DOCK4: variants seen among roughly 807,000 people sequenced by gnomAD.
The protein encoded by DOCK4 is dedicator of cytokinesis 4.
A neutral mutation model predicts 268.1 loss-of-function variants in DOCK4; 97 were observed. The observed-to-expected ratio is 0.36, with a 90% CI of 0.31 to 0.43. DOCK4 has a LOEUF of 0.43. Ranked by LOEUF, DOCK4 falls within the 20% of genes least tolerant of loss-of-function variation. The pLI is 1.00. For missense variants in DOCK4, 2,145 were observed against 2,455.7 expected, an observed-to-expected ratio of 0.87 and a Z score of 2.67; for synonymous variants, 954 against 887.2, an observed-to-expected ratio of 1.08 and a Z score of -1.34.
intron 9 of DOCK4, 57 bp from the exon 10 acceptor site, chr7:111,944,928 T>C (rs541999283): frequency 3.6e-6 from 5 of 1,384,786 alleles, no homozygotes; most frequent in African/African-American, 1.4e-5. Flanking sequence ...TTAAAGGGCA[T>C]AGCACTTTAT....
chr7:111,956,342 A>T (rs1171076995), intron 8 of DOCK4, among the ~76,000 whole-genome samples: 1 of 152,218 alleles, frequency 6.6e-6, no homozygotes, highest in African/African-American at 2.4e-5. Context: ...GAATAAGTAT[A>T]AAAATCCATG....
At chr7:112,132,182 G>A (rs1049639228) in intron 1 of DOCK4, among the ~76,000 whole-genome samples, 1 of 151,954 alleles carries the variant, frequency 6.6e-6, no homozygotes, top group Non-Finnish European at 1.5e-5. Flanking sequence ...CATGTAAACT[G>A]GCCCCCTACT....
chr7:112,039,601 G>A (rs555787718), intron 1 of DOCK4, among the ~76,000 whole-genome samples: 9 of 152,050 alleles, frequency 5.9e-5, no homozygotes. Context: ...CTTGCCCCCC[G>A]AGCCAGCTTT....
chr7:111,758,136 A>AGAT (rs747932022), intron 41 of DOCK4, among the ~76,000 whole-genome samples: 4 of 152,214 alleles, frequency 2.6e-5, no homozygotes, highest in Non-Finnish European at 5.9e-5. Flanking sequence ...CAAGCAGCAA[A>AGAT]GATGGCACAT....
At chr7:111,992,105 C>T (rs182059182) in intron 5 of DOCK4, among the ~76,000 whole-genome samples, 181 of 151,638 alleles carry the variant, frequency 1.2e-3, no homozygotes, top group African/African-American at 3.6e-3. Context: ...GGTTACATTA[C>T]TGATTATTAA....
intron 23 of DOCK4, among the ~76,000 whole-genome samples, chr7:111,850,005 C>A (rs1226489927): frequency 1.3e-5 from 2 of 152,124 alleles, no homozygotes; most frequent in Non-Finnish European, 2.9e-5. Flanking sequence ...AACTGCCACC[C>A]AGCCTTGTAA....
At chr7:112,027,968 G>C (rs1236261494) in intron 1 of DOCK4, among the ~76,000 whole-genome samples, 1 of 152,162 alleles carries the variant, frequency 6.6e-6, no homozygotes, top group Non-Finnish European at 1.5e-5. Flanking sequence ...CAGAACTAAA[G>C]GTGAGTACAG....
intron 1 of DOCK4, among the ~76,000 whole-genome samples, chr7:112,037,866 G>A (rs2135490324): frequency 6.6e-6 from 1 of 152,232 alleles, no homozygotes; most frequent in East Asian, 1.9e-4. Flanking sequence ...AGGACTGTAT[G>A]AAAGTTCCAG....
chr7:111,875,796 A>G (rs552448689), intron 17 of DOCK4, among the ~76,000 whole-genome samples: 1 of 152,302 alleles, frequency 6.6e-6, no homozygotes, highest in Non-Finnish European at 1.5e-5. Context: ...GCCCAGTGGA[A>G]CTGATTTTGT....
intron 25 of DOCK4, among the ~76,000 whole-genome samples, chr7:111,837,414 G>C (rs1803318943): frequency 6.6e-6 from 1 of 152,118 alleles, no homozygotes; most frequent in Admixed American, 6.5e-5. Context: ...AGTGCAATAA[G>C]GCAAGAAAAG....
chr7:112,003,099 A>C (rs1438349221), intron 2 of DOCK4, among the ~76,000 whole-genome samples: 3 of 151,798 alleles, frequency 2.0e-5, no homozygotes, highest in African/African-American at 7.3e-5. Context: ...GAAAAAGGAA[A>C]GCTGGGTGCA....
At position 111,901,692 on chromosome 7, in the gene DOCK4, A is replaced by G; in HGVS notation, c.1302T>C (p.Ser434=). 6.2e-7 allele frequency: 1 copy of G among 1,613,742 alleles called. No individual in the cohort carries two copies. Among genetic ancestry groups the G allele is most frequent in the Non-Finnish European group, 8.5e-7 (1 of 1,179,794 alleles). ...ATTAACATACCTTCAGGGTTTGGCC[A>G]CTACTGTCTACAATGAACATCGTAA... ...VEVTMFIVDS[S]GQTLKDFISF... The change falls in exon 14 of 53, where the codon AGT becomes AGC. Residue 434 remains serine, a synonymous_variant. Coordinates refer to ENST00000428084, the MANE Select transcript of DOCK4 (RefSeq NM_001363540.2).
chr7:111,976,269 TTATATA>T (rs60146972), intron 8 of DOCK4, among the ~76,000 whole-genome samples: 2,468 of 32,756 alleles, frequency 0.075, 133 homozygotes, highest in Admixed American at 0.093. Flanking sequence ...TGTGTGTCTA[TTATATA>T]TATATATATA....
chr7:111,945,686 C>G (rs1256276390), intron 9 of DOCK4, 31 bp downstream of exon 9: 1 of 1,525,342 alleles, frequency 6.6e-7, no homozygotes, highest in Admixed American at 1.9e-5. Context: ...CTGGATGAAT[C>G]TGCCTTATGA....
chr7:111,971,317 T>C (rs1036635030), intron 8 of DOCK4: 57 of 165,048 alleles, frequency 3.5e-4, no homozygotes, highest in African/African-American at 1.1e-3. Context: ...TCAGTGATGT[T>C]AGATGTCATC....
At chr7:112,148,942 C>G (rs1815777913) in intron 1 of DOCK4, among the ~76,000 whole-genome samples, 2 of 152,144 alleles carry the variant, frequency 1.3e-5, no homozygotes, top group South Asian at 4.1e-4. Flanking sequence ...CGCCAATAGC[C>G]CTGAAATCTG....
At chr7:111,870,626 C>T (rs1156373171) in intron 20 of DOCK4, among the ~76,000 whole-genome samples, 1 of 152,050 alleles carries the variant, frequency 6.6e-6, no homozygotes, top group Non-Finnish European at 1.5e-5. Flanking sequence ...CCAGCCAGTT[C>T]TTGGTTTCTA....
intron 1 of DOCK4, among the ~76,000 whole-genome samples, chr7:112,033,994 T>C (rs1046410877): frequency 2.6e-5 from 4 of 152,184 alleles, no homozygotes; most frequent in East Asian, 1.9e-4. Context: ...GGCTAATCCA[T>C]TGTGCTTTTG....
intron 4 of DOCK4, among the ~76,000 whole-genome samples, chr7:111,996,641 C>T (rs1799981448): frequency 6.6e-6 from 1 of 152,132 alleles, no homozygotes; most frequent in Non-Finnish European, 1.5e-5. Flanking sequence ...TTGGGCTTTT[C>T]TGTTCTTCTG....
Sources: allele counts gnomAD v4.1 joint callset (sites outside exome capture counted in the v4.1 genomes callset), GRCh38; gene constraint gnomAD v4.1.1; transcripts MANE v1.5; gene names NCBI Gene and HGNC (gene_info 2026-07-23, HGNC 2026-07-21).